The following LHFPL3 variants were observed in gnomAD, a reference collection of about 807,000 sequenced individuals.
The protein encoded by LHFPL3 is LHFPL tetraspan subfamily member 3, also known as LHFPL tetraspan subfamily member 3 protein.
In LHFPL3, 5 loss-of-function variants were observed where a neutral mutation model predicts 19.3. The observed-to-expected ratio is 0.26, with a 90% CI of 0.14 to 0.54. LHFPL3 has a LOEUF of 0.54. Ranked by LOEUF, LHFPL3 falls within the 20% of genes least tolerant of loss-of-function variation. The pLI, the probability that LHFPL3 is intolerant of heterozygous loss-of-function variation, is 0.94. For missense variants in LHFPL3, 249 were observed against 307.4 expected (o/e 0.81, Z 1.42); for synonymous variants, 133 against 126.2 (o/e 1.05, Z -0.36).
chr7:104,853,843 T>A (rs1791454143), intron 2 of LHFPL3, among the ~76,000 whole-genome samples: 1 of 152,158 alleles, frequency 6.6e-6, no homozygotes, highest in African/African-American at 2.4e-5. Flanking sequence ...CTATACAATG[T>A]TAGAGGTGAA....
chr7:104,750,409 C>T lies in LHFPL3; in HGVS notation c.682+13498C>T, dbSNP rs934043371. Among the ~76,000 whole-genome samples the T allele has an allele frequency of 5.9e-5, 9 of 152,282 alleles. 1 individual carries two copies. Among genetic ancestry groups the T allele is most frequent in the African/African-American group, 2.2e-4 (9 of 41,544 alleles). The stretch of plus-strand genomic sequence containing the variant: ...TATTCTTTTTATTTCACTATTTCCA[C>T]CCTTAATGTATGGCAGGAGTAATAA... On this transcript the variant is annotated intron_variant, in intron 2 of 2. Transcript: ENST00000424859.
In LHFPL3 at chr7:104,510,986, C is replaced by T. The variant is rs541767925; in HGVS notation, c.445+181762C>T. Among the ~76,000 whole-genome samples, 77 of 152,118 alleles carry T rather than the reference C, an allele frequency of 5.1e-4. 1 individual carries two copies. The highest frequency in any genetic ancestry group is 3.4e-3 in the Middle Eastern group (1 of 294). On this transcript the variant is annotated intron_variant, in intron 1 of 2. Transcript: ENST00000424859. ...TACCTGGGTGATGAAATAATCTGTA[C>T]AACAAACCCCCATGACACAAGTTTA... is the stretch of plus-strand genomic sequence containing the variant.
At chr7:104,551,498 T>C (rs1265945383) in intron 1 of LHFPL3, among the ~76,000 whole-genome samples, 2 of 152,158 alleles carry the variant, frequency 1.3e-5, no homozygotes, top group Non-Finnish European at 2.9e-5. Context: ...ACCCCTCCCT[T>C]GGCTGCCTCT....
At chr7:104,500,125 T>C (rs575700341) in intron 1 of LHFPL3, among the ~76,000 whole-genome samples, 3 of 152,320 alleles carry the variant, frequency 2.0e-5, no homozygotes, top group South Asian at 2.1e-4. Flanking sequence ...TCAGTAGATA[T>C]TGAAGCCTCA....
chr7:104,445,164 G>A (rs1361259430), intron 1 of LHFPL3, among the ~76,000 whole-genome samples: 2 of 152,108 alleles, frequency 1.3e-5, no homozygotes, highest in East Asian at 3.8e-4. Context: ...GTGTATATGT[G>A]GTGGTCTTGT....
intron 1 of LHFPL3, among the ~76,000 whole-genome samples, chr7:104,616,413 G>C (rs1253222413): frequency 1.3e-5 from 2 of 152,142 alleles, no homozygotes; most frequent in African/African-American, 4.8e-5. Flanking sequence ...AATAAATGGT[G>C]CTGGGAAAAC....
intron 1 of LHFPL3, among the ~76,000 whole-genome samples, chr7:104,532,635 T>C (rs952461567): frequency 5.9e-5 from 9 of 152,176 alleles, no homozygotes; most frequent in African/African-American, 2.2e-4. Context: ...CTACACCTCA[T>C]TACTCTCTGT....
At chr7:104,422,143 T>A (rs1384151279) in intron 1 of LHFPL3, among the ~76,000 whole-genome samples, 2 of 152,082 alleles carry the variant, frequency 1.3e-5, no homozygotes, top group African/African-American at 4.8e-5. Flanking sequence ...GGTGGATCAT[T>A]GGAGGTCAGG....
chr7:104,442,374 C>T (rs946804403), intron 1 of LHFPL3, among the ~76,000 whole-genome samples: 4 of 151,914 alleles, frequency 2.6e-5, no homozygotes, highest in South Asian at 2.1e-4. Context: ...GATATTGACA[C>T]GACGCTTTGA....
chr7:104,374,649 G>T (rs1790675409), intron 1 of LHFPL3, among the ~76,000 whole-genome samples: 1 of 152,154 alleles, frequency 6.6e-6, no homozygotes, highest in Non-Finnish European at 1.5e-5. Context: ...TGTGGGGGTT[G>T]CCTGGGGTGT....
chr7:104,664,242 C>T (rs1004631087), intron 1 of LHFPL3, among the ~76,000 whole-genome samples: 2 of 152,126 alleles, frequency 1.3e-5, no homozygotes, highest in African/African-American at 2.4e-5. Context: ...TTTTTATTGC[C>T]ATGGTACTTA....
intron 1 of LHFPL3, among the ~76,000 whole-genome samples, chr7:104,602,986 T>C (rs1356599299): frequency 1.3e-5 from 2 of 152,244 alleles, no homozygotes; most frequent in African/African-American, 4.8e-5. Flanking sequence ...AGAGCCATCA[T>C]GACCTAATCG....
At chr7:104,480,632 C>G in intron 1 of LHFPL3, among the ~76,000 whole-genome samples, 1 of 152,222 alleles carries the variant, frequency 6.6e-6, no homozygotes, top group East Asian at 1.9e-4. Context: ...TGCTTTGAAT[C>G]ACTTCATTAG....
intron 2 of LHFPL3, among the ~76,000 whole-genome samples, chr7:104,862,561 A>T (rs2116638707): frequency 6.6e-6 from 1 of 152,324 alleles, no homozygotes; most frequent in African/African-American, 2.4e-5. Context: ...CTCAAGGCAA[A>T]GGAAGTCTTA....
intron 1 of LHFPL3, among the ~76,000 whole-genome samples, chr7:104,565,651 A>G (rs13237905): frequency 0.017 from 2,526 of 152,148 alleles, 54 homozygotes; most frequent in East Asian, 0.12. Context: ...CATGCACTTC[A>G]TCTTACTGGA....
chr7:104,564,912 T>G (rs1482093016), intron 1 of LHFPL3, among the ~76,000 whole-genome samples: 2 of 152,194 alleles, frequency 1.3e-5, no homozygotes, highest in African/African-American at 2.4e-5. Flanking sequence ...GAGACTTAGT[T>G]GTTGGCCATG....
intron 2 of LHFPL3, among the ~76,000 whole-genome samples, chr7:104,739,835 A>G (rs998014222): frequency 1.3e-5 from 2 of 152,238 alleles, no homozygotes; most frequent in Non-Finnish European, 2.9e-5. Context: ...GTATTCATAC[A>G]TTCTGATAGA....
intron 1 of LHFPL3, among the ~76,000 whole-genome samples, chr7:104,477,691 C>T (rs1365089093): frequency 6.6e-6 from 1 of 151,830 alleles, no homozygotes; most frequent in African/African-American, 2.4e-5. Flanking sequence ...GTACAACAAA[C>T]CCCCATGACA....
intron 1 of LHFPL3, among the ~76,000 whole-genome samples, chr7:104,452,627 A>G (rs1360147092): frequency 6.6e-6 from 1 of 152,150 alleles, no homozygotes; most frequent in Non-Finnish European, 1.5e-5. Context: ...TTAATTAAGC[A>G]TTATATCTTT....
Sources: gnomAD v4.1 joint callset for allele counts (sites outside exome capture counted in the v4.1 genomes callset) on GRCh38, gnomAD v4.1.1 for gene constraint, MANE v1.5 for transcripts, NCBI Gene and HGNC (gene_info 2026-07-23, HGNC 2026-07-21) for gene names.